Variants in CADM2 observed in about 807,000 individuals in gnomAD.
CADM2 encodes immunoglobulin superfamily member 4D.
In CADM2, 12 loss-of-function variants were observed where a neutral mutation model predicts 49.8. That is an observed-to-expected ratio of 0.24 (90% confidence interval 0.15 to 0.39). The LOEUF (loss-of-function observed/expected upper bound fraction) is 0.39. Ranked by LOEUF, CADM2 falls within the 10% of genes least tolerant of loss-of-function variation. The probability of loss-of-function intolerance (pLI) is 1.00; values close to 1 mark genes in which losing one functional copy is unlikely to be tolerated. For missense variants in CADM2, 378 were observed against 492.3 expected (o/e 0.77, Z 2.20); for synonymous variants, 214 against 175.4 (o/e 1.22, Z -1.74).
At chr3:86,016,616 G>A (rs1247442623) in intron 8 of CADM2, among the ~76,000 whole-genome samples, 5 of 152,100 alleles carry the variant, frequency 3.3e-5, no homozygotes, top group Non-Finnish European at 7.4e-5. Context: ...CTCTGCGGAA[G>A]TTTCAAAGGT....
intron 1 of CADM2, among the ~76,000 whole-genome samples, chr3:84,991,287 G>A (rs568578685): frequency 3.9e-5 from 6 of 152,084 alleles, no homozygotes; most frequent in Non-Finnish European, 8.8e-5. Flanking sequence ...ATTCTGGAAT[G>A]TGATCCATAT....
chr3:85,740,171 T>C (rs1322343151), intron 2 of CADM2, among the ~76,000 whole-genome samples: 1 of 152,186 alleles, frequency 6.6e-6, no homozygotes, highest in Non-Finnish European at 1.5e-5. Context: ...ACATTTTGTT[T>C]TCTAAGGAAT....
At chr3:85,461,693 T>C (rs1249494327) in intron 1 of CADM2, among the ~76,000 whole-genome samples, 2 of 152,132 alleles carry the variant, frequency 1.3e-5, no homozygotes, top group African/African-American at 2.4e-5. Context: ...CCTAACCTAT[T>C]CTAATCCATT....
At chr3:85,754,470 A>T (rs549079133) in intron 2 of CADM2, among the ~76,000 whole-genome samples, 12 of 152,224 alleles carry the variant, frequency 7.9e-5, no homozygotes, top group African/African-American at 2.6e-4. Context: ...TATGGAACTC[A>T]CCGTAAGCCT....
At chr3:86,034,901 C>T (rs752124330) in intron 8 of CADM2, among the ~76,000 whole-genome samples, 4 of 151,930 alleles carry the variant, frequency 2.6e-5, no homozygotes, top group Non-Finnish European at 5.9e-5. Flanking sequence ...CAATCTTTTA[C>T]CTTCTCTCCA....
intron 8 of CADM2, among the ~76,000 whole-genome samples, chr3:85,962,572 G>A (rs1039349924): frequency 1.3e-5 from 2 of 151,790 alleles, no homozygotes; most frequent in Admixed American, 1.3e-4. Context: ...TGCCACAATG[G>A]GTTTTTCATA....
At chr3:85,094,519 G>A (rs1336508997) in intron 1 of CADM2, among the ~76,000 whole-genome samples, 1 of 152,122 alleles carries the variant, frequency 6.6e-6, no homozygotes, top group Non-Finnish European at 1.5e-5. Flanking sequence ...CAGGGGAAAT[G>A]TAAAATAAAA....
chr3:85,035,822 A>G (rs113367882), intron 1 of CADM2, among the ~76,000 whole-genome samples: 4,654 of 152,248 alleles, frequency 0.031, 88 homozygotes, highest in Middle Eastern at 0.071. Flanking sequence ...TACTTTTATG[A>G]AATCTACTTT....
chr3:84,972,621 T>C (rs1401582582), intron 1 of CADM2, among the ~76,000 whole-genome samples: 2 of 152,198 alleles, frequency 1.3e-5, no homozygotes, highest in Non-Finnish European at 2.9e-5. Flanking sequence ...ATAAGGTTTT[T>C]CAATTTTGAG....
intron 8 of CADM2, among the ~76,000 whole-genome samples, chr3:85,971,412 AATTAC>A (rs746509250): frequency 1.9e-4 from 29 of 151,816 alleles, no homozygotes; most frequent in Non-Finnish European, 3.1e-4. Flanking sequence ...ATAGAGGTTA[AATTAC>A]ATGCAAAATG....
intron 1 of CADM2, among the ~76,000 whole-genome samples, chr3:85,193,625 G>A (rs1321467402): frequency 6.6e-6 from 1 of 151,960 alleles, no homozygotes; most frequent in African/African-American, 2.4e-5. Context: ...AGTTAGCAAT[G>A]GATAGAGGGT....
At chr3:85,556,322 TGAA>T (rs1282060910) in intron 1 of CADM2, among the ~76,000 whole-genome samples, 3 of 152,058 alleles carry the variant, frequency 2.0e-5, no homozygotes, top group East Asian at 1.9e-4. Flanking sequence ...CTTTGGAGGA[TGAA>T]GAAGAAGAGG....
intron 1 of CADM2, among the ~76,000 whole-genome samples, chr3:85,552,957 G>A (rs1476050639): frequency 1.3e-5 from 2 of 152,158 alleles, no homozygotes; most frequent in African/African-American, 4.8e-5. Flanking sequence ...GATTACAGGT[G>A]TGAGCCTCCA....
chr3:85,598,493 T>C (rs951969393), intron 1 of CADM2, among the ~76,000 whole-genome samples: 8 of 152,026 alleles, frequency 5.3e-5, no homozygotes, highest in African/African-American at 1.9e-4. Context: ...GTAAAGTCTG[T>C]TCCAATATTC....
At chr3:85,274,202 T>C (rs1156448477) in intron 1 of CADM2, among the ~76,000 whole-genome samples, 1 of 151,384 alleles carries the variant, frequency 6.6e-6, no homozygotes, top group Non-Finnish European at 1.5e-5. Flanking sequence ...ATAGCATTTT[T>C]GAGGAGTTTT....
chr3:85,169,519 C>G (rs1054454774), intron 1 of CADM2, among the ~76,000 whole-genome samples: 2 of 152,092 alleles, frequency 1.3e-5, no homozygotes, highest in East Asian at 3.9e-4. Flanking sequence ...CATCTGTAAT[C>G]CCAGCATTCT....
At chr3:85,905,067 T>G (rs1353472469) in intron 5 of CADM2, among the ~76,000 whole-genome samples, 7 of 152,158 alleles carry the variant, frequency 4.6e-5, no homozygotes, top group Admixed American at 1.3e-4. Context: ...AACTTGGTAA[T>G]TTTTCATTTA....
intron 3 of CADM2, among the ~76,000 whole-genome samples, chr3:85,880,535 T>A (rs930425211): frequency 1.3e-5 from 2 of 152,232 alleles, no homozygotes; most frequent in Non-Finnish European, 2.9e-5. Flanking sequence ...CATATTTATT[T>A]CCTCTTGATT....
At position 86,065,748 on chromosome 3, in the gene CADM2, A is replaced by G; in HGVS notation, c.1096+18A>G. On this transcript the variant is annotated intron_variant, in intron 9 of 9. Transcript: ENST00000383699. ...GCATAAAGGTACGTTATATTTAGCC[A>G]GAGTACACAATGTGGGCAAAATATT... is the stretch of plus-strand genomic sequence containing the variant. The G allele has an allele frequency of 1.2e-6, 2 of 1,611,720 alleles. No individual in the cohort carries two copies. The highest frequency in any genetic ancestry group is 1.7e-6 in the Non-Finnish European group (2 of 1,178,964).
Sources: gnomAD v4.1 joint callset for allele counts (sites outside exome capture counted in the v4.1 genomes callset) on GRCh38, gnomAD v4.1.1 for gene constraint, MANE v1.5 for transcripts, NCBI Gene and HGNC (gene_info 2026-07-23, HGNC 2026-07-21) for gene names.